The following HABP2 variants were observed in gnomAD, a reference collection of about 807,000 sequenced individuals.
HABP2 encodes the protein hyaluronan binding protein 2.
Under a neutral mutation model 66.5 loss-of-function variants are expected in HABP2, and 65 were observed. The ratio of observed to expected loss-of-function variants is 0.98; its 90% confidence interval spans 0.80 to 1.20. The LOEUF is 1.20. HABP2 is among the 50% of genes most tolerant of loss of function. The pLI is 0.00. For synonymous variants in HABP2, 263 were observed against 253.9 expected (o/e 1.04, Z -0.34); for missense variants, 786 against 691.0 (o/e 1.14, Z -1.54).
chr10:113,584,467 G>A (rs1845598222), intron 11 of HABP2, among the ~76,000 whole-genome samples, 185 bp downstream of exon 11: 1 of 152,208 alleles, frequency 6.6e-6, no homozygotes, highest in South Asian at 2.1e-4. Context: ...AGCCTTCCCT[G>A]AGTTTCTCTG....
chr10:113,558,646 C>G (rs1845043972), intron 1 of HABP2, among the ~76,000 whole-genome samples: 1 of 152,214 alleles, frequency 6.6e-6, no homozygotes, highest in African/African-American at 2.4e-5. Context: ...AACTCAGATA[C>G]CCGCAGTGGC....
intron 5 of HABP2, 50 bp from the exon 6 acceptor site, chr10:113,577,976 G>A: frequency 2.5e-6 from 4 of 1,600,864 alleles, no homozygotes; most frequent in Non-Finnish European, 8.5e-7. Flanking sequence ...TCAGACATGG[G>A]CTGCAACTCC....
In HABP2 at chr10:113,553,136, G is replaced by A. The variant is rs775201613; in HGVS notation, c.15G>A (p.Met5Ile). Residue 5 changes from methionine to isoleucine, a missense_variant, in exon 1 of 13, where the codon ATG becomes ATA. Coordinates refer to ENST00000351270, the MANE Select transcript of HABP2 (RefSeq NM_004132.5). The stretch of plus-strand genomic sequence containing the variant: ...AAACTGCAAAGATGTTTGCCAGGAT[G>A]TCTGATCTCCATGTTCTGCTGTTAA... MFAR[M>I]SDLHVLLLMA... 32 of 1,613,580 alleles carry A rather than the reference G, an allele frequency of 2.0e-5. No individual in the cohort carries two copies. The highest frequency in any genetic ancestry group is 2.7e-5 in the Non-Finnish European group (32 of 1,179,474).
chr10:113,586,461 C>CGTGTGT (rs201960345), intron 12 of HABP2, among the ~76,000 whole-genome samples: 11 of 94,764 alleles, frequency 1.2e-4, no homozygotes, highest in Non-Finnish European at 1.5e-4. Flanking sequence ...CTCATGTGTG[C>CGTGTGT]GTGTGTGTGT....
At position 113,588,249 on chromosome 10, in the gene HABP2, C is replaced by G. The variant is rs758845294; in HGVS notation, c.1563C>G (p.Tyr521Ter). The G allele has an allele frequency of 5.6e-6, 9 of 1,613,302 alleles. No individual in the cohort carries two copies. Among genetic ancestry groups the G allele is most frequent in the Non-Finnish European group, 7.6e-6 (9 of 1,179,600 alleles). ...TGACCTGTGAGAAGGACGGCACCTA[C>G]TACGTCTATGGGATAGTGAGCTGGG... is the stretch of plus-strand genomic sequence containing the variant. ...GPLTCEKDGT[Y>*]YVYGIVSWGL... Residue 521 changes from tyrosine to a stop codon, truncating the protein, a stop_gained, in exon 13 of 13, where the codon TAC (tyrosine) becomes TAG (stop). Coordinates refer to ENST00000351270, the MANE Select transcript of HABP2 (RefSeq NM_004132.5). LOFTEE classifies it high-confidence loss of function.
At chr10:113,562,516 C>G (rs940437487) in intron 1 of HABP2, among the ~76,000 whole-genome samples, 1 of 149,446 alleles carries the variant, frequency 6.7e-6, no homozygotes, top group East Asian at 2.0e-4. Flanking sequence ...ACGATCTCTG[C>G]TCACTGCAGC....
chr10:113,562,281 G>A (rs182579195), intron 1 of HABP2, among the ~76,000 whole-genome samples: 79 of 152,258 alleles, frequency 5.2e-4, no homozygotes, highest in African/African-American at 1.8e-3. Flanking sequence ...AGTGGGCAGT[G>A]GCTTACGTGC....
intron 7 of HABP2, 56 bp from the exon 8 acceptor site, chr10:113,580,539 A>G (rs1845505291): frequency 2.2e-6 from 2 of 903,696 alleles, no homozygotes; most frequent in Non-Finnish European, 3.7e-6. Flanking sequence ...GTTCTTTAAT[A>G]AGATCCAGTG....
chr10:113,588,603 A>G lies in HABP2; in HGVS notation c.*234A>G. The G allele has an allele frequency of 1.8e-6, 1 of 543,112 alleles. No individual in the cohort carries two copies. The highest frequency in any genetic ancestry group is 3.2e-6 in the Non-Finnish European group (1 of 309,654). The allele number at this position is 543,112 out of a possible 1,614,324, so 33.6% of individuals were successfully genotyped here. A position where few individuals can be genotyped will look rare whatever the true frequency, so the allele number is the denominator to read the frequency against. On this transcript the variant is annotated 3_prime_UTR_variant, in exon 13 of 13. Coordinates refer to ENST00000351270, the MANE Select transcript of HABP2 (RefSeq NM_004132.5). The stretch of plus-strand genomic sequence containing the variant: ...CCCAAGGAATGATGGAATCAACACA[A>G]CATAGTATGTTTGCTTTCCTTACCC...
chr10:113,561,081 G>A (rs1347704003), intron 1 of HABP2, among the ~76,000 whole-genome samples: 1 of 152,170 alleles, frequency 6.6e-6, no homozygotes, highest in African/African-American at 2.4e-5. Context: ...TGGCACAACT[G>A]CTCATCTTAG....
At chr10:113,575,769 C>G (rs895925009) in intron 3 of HABP2, 128 bp from the exon 4 acceptor site, 5 of 668,332 alleles carry the variant, frequency 7.5e-6, no homozygotes, top group African/African-American at 1.8e-5. Context: ...TCCTCCTTTC[C>G]CCAGTTTCTG....
chr10:113,587,360 C>A (rs762548640), intron 12 of HABP2, among the ~76,000 whole-genome samples: 2 of 152,026 alleles, frequency 1.3e-5, no homozygotes, highest in Non-Finnish European at 2.9e-5. Context: ...TCATTCAATT[C>A]CCTAGATAAT....
intron 2 of HABP2, 132 bp from the exon 3 acceptor site, chr10:113,574,157 G>C: frequency 1.6e-6 from 1 of 623,542 alleles, no homozygotes; most frequent in Admixed American, 2.5e-5. Context: ...TCACTGTGCA[G>C]AGCTGGAGAG....
chr10:113,588,578 C>A lies in HABP2; in HGVS notation c.*209C>A, dbSNP rs145434470. On this transcript the variant is annotated 3_prime_UTR_variant, in exon 13 of 13. Transcript: ENST00000351270. ...AGGCTTCTTCTGCCTCCCTTGGTAA[C>A]CCAAGGAATGATGGAATCAACACAA... 5.5e-6 allele frequency: 3 copies of A among 546,060 alleles called. No homozygotes were observed. The highest frequency in any genetic ancestry group is 5.9e-5 in the South Asian group (2 of 33,996). The allele number at this position is 546,060 out of a possible 1,614,324, so 33.8% of individuals were successfully genotyped here.
At chr10:113,576,581 G>T (rs559861481) in intron 4 of HABP2, among the ~76,000 whole-genome samples, 1 of 152,182 alleles carries the variant, frequency 6.6e-6, no homozygotes, top group Non-Finnish European at 1.5e-5. Flanking sequence ...ACTCCTAGGG[G>T]CTAATTTTAC....
upstream of HABP2, chr10:113,553,016 T>G (rs1844924050): frequency 1.9e-5 from 15 of 794,634 alleles, no homozygotes; most frequent in South Asian, 2.3e-4. Context: ...TTGCATCCTC[T>G]TCATTTGTTC....
rs1844931829 is a variant in HABP2 at position 113,553,271 on chromosome 10, A to C, written c.69+81A>C. 4.8e-6 allele frequency: 5 copies of C among 1,044,598 alleles called. No homozygotes were observed. The South Asian group carries it at 6.4e-5, about 13-fold the overall frequency. 64.7% of individuals were successfully genotyped at this position (1,044,598 alleles called of 1,614,324 possible). A position where few individuals can be genotyped will look rare whatever the true frequency, so the allele number is the denominator to read the frequency against. Reference sequence around the variant, plus strand: ...ACCAAGCTAGGCTGGGAGTGATGAGAAACTTTAGAGTGAAAGGCTGGAGTT... The same window carrying C: ...ACCAAGCTAGGCTGGGAGTGATGAGCAACTTTAGAGTGAAAGGCTGGAGTT... On this transcript the variant is annotated intron_variant, in intron 1 of 12. Transcript: ENST00000351270.
At chr10:113,576,504 T>C (rs1217803432) in intron 4 of HABP2, among the ~76,000 whole-genome samples, 2 of 152,164 alleles carry the variant, frequency 1.3e-5, no homozygotes, top group Non-Finnish European at 2.9e-5. Context: ...CCATACTCAC[T>C]GTGTCTGCTG....
At chr10:113,570,879 G>T (rs1466618190) in intron 2 of HABP2, among the ~76,000 whole-genome samples, 1 of 152,126 alleles carries the variant, frequency 6.6e-6, no homozygotes, top group Non-Finnish European at 1.5e-5. Context: ...GAATGGAAAT[G>T]GCCCTTCCTT....
Sources: gnomAD v4.1 joint callset for allele counts (sites outside exome capture counted in the v4.1 genomes callset) on GRCh38, gnomAD v4.1.1 for gene constraint, MANE v1.5 for transcripts, NCBI Gene and HGNC (gene_info 2026-07-23, HGNC 2026-07-21) for gene names.